Variants in GRM4 observed in about 807,000 individuals in gnomAD.
GRM4 encodes metabotropic glutamate receptor 4.
In GRM4, 28 loss-of-function variants were observed where a neutral mutation model predicts 81.7. The ratio of observed to expected loss-of-function variants is 0.34; its 90% CI spans 0.25 to 0.47. The LOEUF (loss-of-function observed/expected upper bound fraction) is 0.47, where lower values mean the gene tolerates loss of function less well. Ranked by LOEUF, GRM4 falls within the 20% of genes least tolerant of loss-of-function variation. The pLI is 1.00. For synonymous variants in GRM4, 488 were observed against 528.8 expected, an observed-to-expected ratio of 0.92 and a Z score of 1.06; for missense variants, 948 against 1,290.0, an observed-to-expected ratio of 0.73 and a Z score of 4.06.
chr6:34,125,709 G>A (rs1769995699), intron 2 of GRM4, among the ~76,000 whole-genome samples: 1 of 152,250 alleles, frequency 6.6e-6, no homozygotes, highest in African/African-American at 2.4e-5. Flanking sequence ...CCAATGCCAG[G>A]GTTCCCCTCC....
exon 1 of GRM4, chr6:34,155,118 G>A: frequency 6.5e-7 from 1 of 1,530,444 alleles, no homozygotes; most frequent in Non-Finnish European, 8.8e-7. Flanking sequence ...GGCGGCGGGG[G>A]TCTATTTCAG....
At chr6:34,145,619 G>A (rs1770898299) in intron 1 of GRM4, among the ~76,000 whole-genome samples, 1 of 152,206 alleles carries the variant, frequency 6.6e-6, no homozygotes, top group Non-Finnish European at 1.5e-5. Context: ...AGAGACGAGA[G>A]AGCGAGGAAG....
intron 1 of GRM4, among the ~76,000 whole-genome samples, chr6:34,141,293 A>G (rs1455415850): frequency 6.6e-6 from 1 of 152,060 alleles, no homozygotes; most frequent in Non-Finnish European, 1.5e-5. Context: ...CCAATGGGCG[A>G]CCAGTGCCTT....
At chr6:34,023,720 AGT>A (rs1427463947) in intron 10 of GRM4, among the ~76,000 whole-genome samples, 4 of 152,186 alleles carry the variant, frequency 2.6e-5, no homozygotes, top group African/African-American at 9.7e-5. Context: ...TCTCATGAGC[AGT>A]GTGAGTGTCC....
At position 34,050,577 on chromosome 6, in the gene GRM4, C is replaced by T. The variant is rs569278872; in HGVS notation, c.1168+5967G>A. Among the ~76,000 whole-genome samples the T allele has an allele frequency of 2.6e-5, 4 of 152,334 alleles. No individual in the cohort carries two copies. In the East Asian group the frequency reaches 5.8e-4, roughly 22 times the overall value. On this transcript the variant is annotated intron_variant, in intron 6 of 10. Transcript: ENST00000538487. ...ACGCTTCTCGCACAATCTGCAGAAA[C>T]GTGAGCCAAATAAGCCTCTTTTCTT...
chr6:34,062,158 G>A, intron 3 of GRM4, 130 bp from the exon 4 acceptor site: 1 of 961,414 alleles, frequency 1.0e-6, no homozygotes, highest in South Asian at 1.7e-5. Context: ...CCCAGCCCTG[G>A]GATCCCAGCC....
intron 3 of GRM4, among the ~76,000 whole-genome samples, chr6:34,072,580 A>C (rs1254954248): frequency 6.6e-6 from 1 of 151,856 alleles, no homozygotes; most frequent in African/African-American, 2.4e-5. Flanking sequence ...ACACACACAC[A>C]TATCACACAG....
intron 3 of GRM4, among the ~76,000 whole-genome samples, chr6:34,065,391 A>G (rs1581640297): frequency 7.2e-6 from 1 of 138,874 alleles, no homozygotes; most frequent in Non-Finnish European, 1.5e-5. Flanking sequence ...GTAAGAATCC[A>G]TGGGTCCATA....
In GRM4 at chr6:34,019,235, G is replaced by C. The variant is rs1045352501; in HGVS notation, c.*3586C>G. The C allele has an allele frequency of 6.6e-6, 1 of 152,248 alleles. No individual in the cohort carries two copies. Among genetic ancestry groups the C allele is most frequent in the Admixed American group, 6.5e-5 (1 of 15,286 alleles). 9.4% of individuals were successfully genotyped at this position (152,248 alleles called of 1,614,324 possible). A position where few individuals can be genotyped will look rare whatever the true frequency, so the allele number is the denominator to read the frequency against. On this transcript the variant is annotated 3_prime_UTR_variant, in exon 11 of 11. Coordinates refer to ENST00000538487, the MANE Select transcript of GRM4 (RefSeq NM_000841.4). The stretch of plus-strand genomic sequence containing the variant: ...AGAACAGCCCCTCAGAGCCGGAAGG[G>C]ACCTGAGACTCTGCTCCTGAGGTGG...
chr6:34,072,946 TACAC>T (rs1767042046), intron 3 of GRM4, among the ~76,000 whole-genome samples: 1 of 76,310 alleles, frequency 1.3e-5, no homozygotes, highest in African/African-American at 5.7e-5. Flanking sequence ...ACCACACAGA[TACAC>T]ACCACACACA....
chr6:34,058,838 A>T lies in GRM4; in HGVS notation c.1027+136T>A, dbSNP rs981333877. ...AACTCCCAGCCCAAAACCTCAGAAC[A>T]TAAGAGGCTGTGGGCCAAGGAAGAG... is the stretch of plus-strand genomic sequence containing the variant. On this transcript the variant is annotated intron_variant, in intron 5 of 10. Transcript: ENST00000538487. 2.3e-5 allele frequency: 16 copies of T among 695,760 alleles called. No homozygotes were observed. The African/African-American group carries it at 2.5e-4, about 11-fold the overall frequency. 43.1% of individuals were successfully genotyped at this position (695,760 alleles called of 1,614,324 possible).
Position 34,040,241 on chromosome 6 carries a change from C to G in GRM4, c.1443G>C (p.Gln481His), listed in dbSNP as rs758119957. ...TGTACTCGGCAGAATCGTTGCGCAG[C>G]TGGTATTGGTAGATGTCATAGCGCC... is the stretch of plus-strand genomic sequence containing the variant. Reference protein sequence around the residue: ...APGRYDIYQYQLRNDSAEYKV... With the variant: ...APGRYDIYQYHLRNDSAEYKV... The change falls in exon 8 of 11, where the codon CAG (glutamine) becomes CAC (histidine). Residue 481 changes from glutamine (Q) to histidine (H), a missense_variant. Gln to His is a conservative substitution (Grantham distance 24). Coordinates refer to ENST00000538487, the MANE Select transcript of GRM4 (RefSeq NM_000841.4). 1.2e-6 allele frequency: 2 copies of G among 1,614,132 alleles called. No individual in the cohort carries two copies. Among genetic ancestry groups the G allele is most frequent in the Non-Finnish European group, 8.5e-7 (1 of 1,179,946 alleles).
intron 1 of GRM4, among the ~76,000 whole-genome samples, chr6:34,134,968 G>T (rs1770401041): frequency 6.6e-6 from 1 of 152,152 alleles, no homozygotes; most frequent in African/African-American, 2.4e-5. Context: ...CACCACTTAG[G>T]AGGCCACAGG....
intron 2 of GRM4, among the ~76,000 whole-genome samples, chr6:34,098,993 T>G (rs1445409264): frequency 6.9e-6 from 1 of 145,046 alleles, no homozygotes; most frequent in African/African-American, 2.5e-5. Flanking sequence ...GGGCTCCCCC[T>G]CACAGAGCAC....
intron 3 of GRM4, 62 bp downstream of exon 3, chr6:34,091,821 C>T (rs1236636021): frequency 1.3e-5 from 16 of 1,234,154 alleles, no homozygotes; most frequent in Non-Finnish European, 5.8e-6. Context: ...CCTGGTGGGT[C>T]AGTCACTGTG....
At chr6:34,102,086 T>A in intron 2 of GRM4, 1 of 1,535,546 alleles carries the variant, frequency 6.5e-7, no homozygotes, top group Non-Finnish European at 8.7e-7. Context: ...CTTGGCGCCA[T>A]CATGGGGAAA....
rs1770920969 is a variant in GRM4 at position 34,146,072 on chromosome 6, C to A, written c.-436G>T. 2 of 985,396 alleles carry A rather than the reference C, an allele frequency of 2.0e-6. No homozygotes were observed. Among genetic ancestry groups the A allele is most frequent in the Non-Finnish European group, 1.2e-6 (1 of 829,894 alleles). The allele number at this position is 985,396 out of a possible 1,614,324, so 61.0% of individuals were successfully genotyped here. On this transcript the variant is annotated 5_prime_UTR_variant, in exon 1 of 11. Coordinates refer to ENST00000538487, the MANE Select transcript of GRM4 (RefSeq NM_000841.4). ...AGGAACATAGCCTCCCTAACACACACCCAGAAAAGTACAGCAAAGCACAGG... is the reference window on the plus strand; with the variant it reads ...AGGAACATAGCCTCCCTAACACACAACCAGAAAAGTACAGCAAAGCACAGG...
At chr6:34,066,215 G>A (rs1766459474) in intron 3 of GRM4, among the ~76,000 whole-genome samples, 1 of 152,024 alleles carries the variant, frequency 6.6e-6, no homozygotes, top group Non-Finnish European at 1.5e-5. Context: ...GGAAACCCCG[G>A]CACGTGGGCA....
At chr6:34,118,419 C>G (rs1455584699) in intron 2 of GRM4, among the ~76,000 whole-genome samples, 1 of 152,210 alleles carries the variant, frequency 6.6e-6, no homozygotes, top group Non-Finnish European at 1.5e-5. Flanking sequence ...GGGCAGGGCA[C>G]TGTGCTGGGG....
Sources: gnomAD v4.1 joint callset for allele counts (sites outside exome capture counted in the v4.1 genomes callset) on GRCh38, gnomAD v4.1.1 for gene constraint, MANE v1.5 for transcripts, NCBI Gene and HGNC (gene_info 2026-07-23, HGNC 2026-07-21) for gene names.